The following USP13 variants were observed in gnomAD, a reference collection of about 807,000 sequenced individuals.
The protein encoded by USP13 is ubiquitin carboxyl-terminal hydrolase 13.
In USP13, 68 loss-of-function variants were observed where a neutral mutation model predicts 107.8. The ratio of observed to expected loss-of-function variants is 0.63; its 90% CI spans 0.52 to 0.77. The LOEUF (loss-of-function observed/expected upper bound fraction) is 0.77. Among genes scored for constraint, USP13 ranks in the 30% least tolerant of loss-of-function variants. The pLI is 0.00. For missense variants in USP13, 945 were observed against 1,093.3 expected, an observed-to-expected ratio of 0.86 and a Z score of 1.91; for synonymous variants, 377 against 389.5, an observed-to-expected ratio of 0.97 and a Z score of 0.38.
At chr3:179,732,350 T>A (rs1477966930) in intron 10 of USP13, among the ~76,000 whole-genome samples, 1 of 152,206 alleles carries the variant, frequency 6.6e-6, no homozygotes, top group Non-Finnish European at 1.5e-5. Context: ...GTGTTATGAT[T>A]GGATTGGTTC....
chr3:179,750,326 G>GTGTGTATATATATATATA (rs1553797370), intron 13 of USP13, among the ~76,000 whole-genome samples: 61 of 75,836 alleles, frequency 8.0e-4, no homozygotes, highest in East Asian at 7.7e-3. Flanking sequence ...ATATATGTGT[G>GTGTGTATATATATATATA]TATATATATA....
chr3:179,683,237 C>T (rs1322884853), intron 2 of USP13, among the ~76,000 whole-genome samples: 2 of 148,870 alleles, frequency 1.3e-5, no homozygotes, highest in Admixed American at 6.9e-5. Flanking sequence ...GAGTCTGTGG[C>T]TTGTCGTTTT....
chr3:179,728,035 A>G lies in USP13; in HGVS notation c.1089-2154A>G, dbSNP rs1175159745. On this transcript the variant is annotated intron_variant, in intron 8 of 20. Transcript: ENST00000263966. Reference sequence around the variant, plus strand: ...GCCAGGTGGGGGGCTGATCCCCACCACCTCCCTCCCGGACGGGGCGGCTGG... The same window carrying G: ...GCCAGGTGGGGGGCTGATCCCCACCGCCTCCCTCCCGGACGGGGCGGCTGG... Among the ~76,000 whole-genome samples the G allele has an allele frequency of 5.1e-5, 2 of 39,180 alleles. 1 individual carries two copies. The highest frequency in any genetic ancestry group is 2.5e-3 in the East Asian group (2 of 816). The allele number at this position is 39,180 out of a possible 152,430, so 25.7% of individuals were successfully genotyped here. A position where few individuals can be genotyped will look rare whatever the true frequency, so the allele number is the denominator to read the frequency against.
At chr3:179,740,064 A>G (rs1051740007) in intron 10 of USP13, among the ~76,000 whole-genome samples, 183 bp from the exon 11 acceptor site, 8 of 152,186 alleles carry the variant, frequency 5.3e-5, no homozygotes, top group Non-Finnish European at 1.2e-4. Flanking sequence ...TAAGGTTCAT[A>G]GTGCAGGGCC....
chr3:179,772,073 T>A (rs1489229571), intron 19 of USP13, among the ~76,000 whole-genome samples: 18 of 152,206 alleles, frequency 1.2e-4, no homozygotes, highest in Admixed American at 1.2e-3. Flanking sequence ...CCTGTTTGAT[T>A]TTGAAGGCTG....
At chr3:179,743,457 G>C (rs940013584) in intron 12 of USP13, among the ~76,000 whole-genome samples, 8 of 151,658 alleles carry the variant, frequency 5.3e-5, no homozygotes, top group Admixed American at 2.0e-4. Flanking sequence ...TCTTGTGTGT[G>C]GGGGGTGGTG....
intron 5 of USP13, 101 bp downstream of exon 5, chr3:179,707,177 AC>A: frequency 7.2e-7 from 1 of 1,390,368 alleles, no homozygotes. Flanking sequence ...ATTTTTTCTT[AC>A]CAGATGCCTT....
In USP13 at chr3:179,691,846, T is replaced by C. The variant is rs550569617; in HGVS notation, c.355+1545T>C. Among the ~76,000 whole-genome samples the C allele has an allele frequency of 2.0e-4, 30 of 152,344 alleles. No homozygotes were observed. The South Asian group carries it at 2.1e-3, about 11-fold the overall frequency. On this transcript the variant is annotated intron_variant, in intron 3 of 20. Transcript: ENST00000263966. ...GACTACTGATTTCTATATCATATAA[T>C]TATGGTCATATTAAGCTTCTGATAT...
chr3:179,752,161 C>T (rs1016558680), intron 13 of USP13, 124 bp from the exon 14 acceptor site: 2 of 755,114 alleles, frequency 2.6e-6, no homozygotes, highest in Non-Finnish European at 4.5e-6. Context: ...TTTGCATGTT[C>T]CTCCTCTTCA....
chr3:179,715,584 C>T (rs1313088285), intron 6 of USP13, among the ~76,000 whole-genome samples: 8 of 151,812 alleles, frequency 5.3e-5, no homozygotes, highest in South Asian at 2.1e-4. Flanking sequence ...AGGCTGGTCT[C>T]GAACTCCTGA....
chr3:179,669,242 C>T (rs972634408), intron 1 of USP13, among the ~76,000 whole-genome samples: 35 of 152,206 alleles, frequency 2.3e-4, no homozygotes, highest in African/African-American at 7.5e-4. Flanking sequence ...AAGCAGATCA[C>T]CTGAGGTCAG....
chr3:179,741,763 GC>G (rs1424267349), intron 11 of USP13, among the ~76,000 whole-genome samples: 1 of 152,156 alleles, frequency 6.6e-6, no homozygotes, highest in East Asian at 1.9e-4. Flanking sequence ...TTAAATGTTT[GC>G]CACATCATCA....
chr3:179,742,218 A>C lies in USP13; in HGVS notation c.1402A>C (p.Asn468His). ...LVERNRIGSE[N>H]PSDVFRFLVE... is the part of the protein sequence containing the mutation. ...TCAGAGGAACCGCATCGGCTCAGAAAACCCAAGCGATGTTTTTCGTTTTTT... is the reference window on the plus strand; with the variant it reads ...TCAGAGGAACCGCATCGGCTCAGAACACCCAAGCGATGTTTTTCGTTTTTT... Residue 468 changes from asparagine to histidine, a missense_variant, in exon 12 of 21, where the codon AAC (asparagine) becomes CAC (histidine). Coordinates refer to ENST00000263966, the MANE Select transcript of USP13 (RefSeq NM_003940.3). This position sits in a 1 kb window ranked among gnomAD's most constrained non-coding sequence, Gnocchi z 5.0. 4 of 1,614,218 alleles carry C rather than the reference A, an allele frequency of 2.5e-6. No homozygotes were observed. The highest frequency in any genetic ancestry group is 1.7e-6 in the Non-Finnish European group (2 of 1,180,048).
intron 11 of USP13, among the ~76,000 whole-genome samples, chr3:179,741,191 T>G (rs1714185384): frequency 6.6e-6 from 1 of 151,878 alleles, no homozygotes; most frequent in African/African-American, 2.4e-5. Flanking sequence ...AGCCAGTGTT[T>G]TTTGTTTGTT....
intron 1 of USP13, among the ~76,000 whole-genome samples, chr3:179,680,341 G>A (rs1285005244): frequency 6.6e-6 from 1 of 152,044 alleles, no homozygotes; most frequent in Non-Finnish European, 1.5e-5. Flanking sequence ...GAAATGCTTG[G>A]CACTAGAAGT....
chr3:179,770,036 G>A (rs529596650), intron 19 of USP13, among the ~76,000 whole-genome samples: 13 of 152,270 alleles, frequency 8.5e-5, no homozygotes, highest in African/African-American at 2.9e-4. Flanking sequence ...TTTCCCCAAC[G>A]TTCCCCAGCA....
At chr3:179,680,046 G>A (rs555264609) in intron 1 of USP13, among the ~76,000 whole-genome samples, 7 of 152,004 alleles carry the variant, frequency 4.6e-5, no homozygotes, top group Admixed American at 1.3e-4. Flanking sequence ...ATGGTGGCAC[G>A]TGCCTATAGT....
At chr3:179,655,607 T>C (rs2108426537) in intron 1 of USP13, among the ~76,000 whole-genome samples, 1 of 146,940 alleles carries the variant, frequency 6.8e-6, no homozygotes, top group Admixed American at 7.0e-5. Flanking sequence ...CAGGCTGGAG[T>C]GCAATGGCAC....
chr3:179,674,690 T>G (rs557234516), intron 1 of USP13, among the ~76,000 whole-genome samples: 1 of 152,198 alleles, frequency 6.6e-6, no homozygotes, highest in East Asian at 1.9e-4. Flanking sequence ...GTCACTGTTT[T>G]TTTGCTCTCT....
Sources: gnomAD v4.1 joint callset for allele counts (sites outside exome capture counted in the v4.1 genomes callset) on GRCh38, gnomAD v4.1.1 for gene constraint, Gnocchi (gnomAD v3.1) non-coding constraint, MANE v1.5 for transcripts, NCBI Gene and HGNC (gene_info 2026-07-23, HGNC 2026-07-21) for gene names.